The following TOP6BL variants were observed in gnomAD, a reference collection of about 807,000 sequenced individuals.
TOP6BL encodes the protein TOP6B like initiator of meiotic double strand breaks.
the TOP6BL span, chr11:66,762,228 C>T: frequency 8.3e-6 from 5 of 599,088 alleles, no homozygotes; most frequent in Admixed American, 5.2e-5. Context: ...CCCGCGAGGC[C>T]GCAGGGGGCC....
chr11:66,828,652 C>G, the TOP6BL span: 1 of 284,418 alleles, frequency 3.5e-6, no homozygotes, highest in Non-Finnish European at 6.7e-6. Flanking sequence ...TCCATCTTGT[C>G]CAGAAGACAC....
the TOP6BL span, among the ~76,000 whole-genome samples, chr11:66,787,988 G>A: frequency 6.6e-6 from 1 of 152,182 alleles, no homozygotes; most frequent in Non-Finnish European, 1.5e-5. Context: ...AATTCTAAAT[G>A]TTCAAGCAAT....
chr11:66,801,123 T>C, the TOP6BL span: 8 of 1,603,752 alleles, frequency 5.0e-6, no homozygotes, highest in African/African-American at 9.4e-5. Flanking sequence ...AAAGCCTTGT[T>C]GTCCCTCTGC....
At chr11:66,771,855 G>A in the TOP6BL span, among the ~76,000 whole-genome samples, 3 of 152,180 alleles carry the variant, frequency 2.0e-5, no homozygotes, top group African/African-American at 7.2e-5. Flanking sequence ...AGAGACAGAT[G>A]GGTGGGACTG....
At chr11:66,769,689 C>G in the TOP6BL span, among the ~76,000 whole-genome samples, 1 of 151,648 alleles carries the variant, frequency 6.6e-6, no homozygotes, top group Non-Finnish European at 1.5e-5. Context: ...AGGGTTGGGC[C>G]TTCATGAGAT....
the TOP6BL span, among the ~76,000 whole-genome samples, chr11:66,799,285 C>G: frequency 6.7e-6 from 1 of 148,928 alleles, no homozygotes; most frequent in East Asian, 2.0e-4. Context: ...ACTCAGGAGG[C>G]TGAGGCAGGA....
At chr11:66,745,016 C>T in the TOP6BL span, 3 of 1,186,270 alleles carry the variant, frequency 2.5e-6, no homozygotes, top group Non-Finnish European at 3.2e-6. Flanking sequence ...CGGGCGTCGC[C>T]TAAGGTGAAG....
At chr11:66,841,882 C>G in the TOP6BL span, among the ~76,000 whole-genome samples, 1 of 152,220 alleles carries the variant, frequency 6.6e-6, no homozygotes, top group East Asian at 1.9e-4. Context: ...AATTCCCTTT[C>G]TCTCCCTTGT....
At chr11:66,824,486 T>C in the TOP6BL span, among the ~76,000 whole-genome samples, 1 of 150,298 alleles carries the variant, frequency 6.7e-6, no homozygotes, top group South Asian at 2.1e-4. Context: ...AGGGTACATG[T>C]ACACAACATG....
the TOP6BL span, among the ~76,000 whole-genome samples, chr11:66,821,427 A>C: frequency 3.3e-5 from 5 of 151,928 alleles, no homozygotes; most frequent in Non-Finnish European, 7.4e-5. Context: ...AGCTGGGACT[A>C]CAGGTGCCCG....
At chr11:66,828,054 GAC>G in the TOP6BL span, among the ~76,000 whole-genome samples, 2 of 149,096 alleles carry the variant, frequency 1.3e-5, no homozygotes. Context: ...GAAGTGGGAA[GAC>G]ATATAGGAGC....
At chr11:66,761,591 A>G in the TOP6BL span, 3 of 1,178,656 alleles carry the variant, frequency 2.5e-6, no homozygotes, top group Middle Eastern at 2.5e-4. Flanking sequence ...GCTCTTGACA[A>G]AACTTTTGAG....
chr11:66,759,420 G>A, the TOP6BL span, among the ~76,000 whole-genome samples: 74 of 152,198 alleles, frequency 4.9e-4, no homozygotes, highest in African/African-American at 1.6e-3. Context: ...TTTCCCAGAT[G>A]TAAAATAAAA....
the TOP6BL span, chr11:66,838,438 C>T: frequency 1.7e-3 from 2,739 of 1,613,690 alleles, 43 homozygotes; most frequent in African/African-American, 0.031. Flanking sequence ...GCCTGGAGCT[C>T]CTAGCAGGTA....
chr11:66,746,550 A>T, the TOP6BL span, among the ~76,000 whole-genome samples: 2 of 152,154 alleles, frequency 1.3e-5, no homozygotes, highest in African/African-American at 4.8e-5. Context: ...CTCCGTCACT[A>T]CTAAAAATAC....
chr11:66,763,471 C>T, the TOP6BL span, among the ~76,000 whole-genome samples: 1 of 151,484 alleles, frequency 6.6e-6, no homozygotes, highest in Admixed American at 6.6e-5. Flanking sequence ...AGATTTTAAA[C>T]ATTATTATTA....
chr11:66,753,508 G>A, the TOP6BL span, among the ~76,000 whole-genome samples: 20 of 150,046 alleles, frequency 1.3e-4, 1 homozygote, highest in South Asian at 3.8e-3. Context: ...CTGGGTTCAC[G>A]CCATTCTCCT....
the TOP6BL span, among the ~76,000 whole-genome samples, chr11:66,781,026 G>A: frequency 2.6e-3 from 403 of 152,196 alleles, 2 homozygotes; most frequent in Non-Finnish European, 3.1e-3. Context: ...ATACCTAGGT[G>A]TGATTTTCTT....
the TOP6BL span, among the ~76,000 whole-genome samples, chr11:66,818,816 G>T: frequency 7.9e-5 from 12 of 152,116 alleles, no homozygotes; most frequent in Non-Finnish European, 1.2e-4. Flanking sequence ...GAGCCCTAAA[G>T]AACATTCCTT....
Sources: gnomAD v4.1 joint callset for allele counts (sites outside exome capture counted in the v4.1 genomes callset) on GRCh38, gnomAD v4.1.1 for gene constraint, MANE v1.5 for transcripts, NCBI Gene and HGNC (gene_info 2026-07-23, HGNC 2026-07-21) for gene names.